Variants in DLGAP2 observed in about 807,000 individuals in gnomAD.
DLGAP2 encodes disks large-associated protein 2.
Under a neutral mutation model 100.3 loss-of-function variants are expected in DLGAP2, and 26 were observed. The observed-to-expected ratio is 0.26, with a 90% CI of 0.19 to 0.36. DLGAP2 has a LOEUF of 0.36. Among genes scored for constraint, DLGAP2 ranks in the 10% least tolerant of loss-of-function variants. DLGAP2 has a pLI of 1.00. For synonymous variants in DLGAP2, 886 were observed against 630.1 expected (o/e 1.41, Z -6.08); for missense variants, 1,858 against 1,453.2 (o/e 1.28, Z -4.53).
intron 2 of DLGAP2, among the ~76,000 whole-genome samples, chr8:925,359 C>T (rs997877088): frequency 3.3e-5 from 5 of 152,048 alleles, no homozygotes; most frequent in African/African-American, 9.7e-5. Context: ...AGGGCTTAAG[C>T]GATCCTCCCA....
chr8:1,249,742 T>G (rs891514377), intron 2 of DLGAP2, among the ~76,000 whole-genome samples: 1 of 152,160 alleles, frequency 6.6e-6, no homozygotes, highest in Non-Finnish European at 1.5e-5. Flanking sequence ...AAATAAACTA[T>G]TGATTATTCA....
chr8:1,364,907 T>G (rs1802074627), intron 3 of DLGAP2, among the ~76,000 whole-genome samples: 1 of 152,064 alleles, frequency 6.6e-6, no homozygotes, highest in Non-Finnish European at 1.5e-5. Context: ...GGGGGTAGTT[T>G]TAAAACTTGG....
intron 3 of DLGAP2, among the ~76,000 whole-genome samples, chr8:1,415,615 A>C (rs1007405294): frequency 6.6e-6 from 1 of 152,158 alleles, no homozygotes; most frequent in South Asian, 2.1e-4. Flanking sequence ...CCCCACCTGC[A>C]TCCGTGTTGC....
intron 13 of DLGAP2, among the ~76,000 whole-genome samples, chr8:1,693,855 G>A (rs1272133865): frequency 6.6e-6 from 1 of 152,176 alleles, no homozygotes; most frequent in African/African-American, 2.4e-5. Context: ...ACATTCAGCT[G>A]CCATGTCACC....
intron 3 of DLGAP2, among the ~76,000 whole-genome samples, chr8:1,316,555 G>A (rs369121866): frequency 1.2e-4 from 15 of 129,888 alleles, no homozygotes; most frequent in African/African-American, 3.3e-4. Flanking sequence ...GAGGCTGTGC[G>A]AGTGCAGCGT....
intron 2 of DLGAP2, among the ~76,000 whole-genome samples, chr8:1,143,239 A>C (rs1796551587): frequency 6.6e-6 from 1 of 152,220 alleles, no homozygotes; most frequent in Admixed American, 6.5e-5. Context: ...ATGTGCTGGA[A>C]AGGACAGAAA....
intron 4 of DLGAP2, among the ~76,000 whole-genome samples, chr8:1,542,639 C>A (rs376802996): frequency 6.6e-6 from 1 of 152,138 alleles, no homozygotes; most frequent in African/African-American, 2.4e-5. Flanking sequence ...TCCATTCATC[C>A]GTCGGGCAGC....
intron 3 of DLGAP2, among the ~76,000 whole-genome samples, chr8:1,354,640 A>G (rs1200283459): frequency 4.0e-5 from 6 of 148,530 alleles, no homozygotes; most frequent in African/African-American, 1.2e-4. Context: ...GTCACGGATG[A>G]TGCTGCGGAT....
intron 6 of DLGAP2, among the ~76,000 whole-genome samples, chr8:1,605,673 A>G (rs374398411): frequency 6.6e-6 from 1 of 152,116 alleles, no homozygotes; most frequent in African/African-American, 2.4e-5. Flanking sequence ...CTTCCCTGTT[A>G]TAAGGAAGAA....
intron 3 of DLGAP2, among the ~76,000 whole-genome samples, chr8:1,320,696 C>A (rs1800876375): frequency 6.6e-6 from 1 of 152,198 alleles, no homozygotes; most frequent in African/African-American, 2.4e-5. Flanking sequence ...CCAGCTGCCA[C>A]TTCCCAGCAC....
Position 1,072,564 on chromosome 8 carries a change from C to T in DLGAP2, c.73+164598C>T, listed in dbSNP as rs562615133. ...AGTGCAGGCACCTGGCAGGGAGGTG[C>T]GGCCTGGCTTGTGGCTGTTCCCGAG... On this transcript the variant is annotated intron_variant, in intron 2 of 14. Transcript: ENST00000637795. 1.4e-4 allele frequency among the ~76,000 whole-genome samples: 21 copies of T among 152,266 alleles called. No homozygotes were observed. In the South Asian group the frequency reaches 3.5e-3, roughly 26 times the overall value.
chr8:1,495,560 G>A (rs939425619), intron 3 of DLGAP2, among the ~76,000 whole-genome samples: 1 of 152,230 alleles, frequency 6.6e-6, no homozygotes, highest in African/African-American at 2.4e-5. Flanking sequence ...GGTGTGCTGA[G>A]ACCACAGTGT....
At chr8:838,644 A>AT (rs201312054) in intron 1 of DLGAP2, among the ~76,000 whole-genome samples, 48 of 149,748 alleles carry the variant, frequency 3.2e-4, no homozygotes, top group African/African-American at 8.3e-4. Flanking sequence ...GCTCTTGTAC[A>AT]TTTTTTTTTT....
chr8:1,506,451 T>A (rs564934087), intron 4 of DLGAP2, among the ~76,000 whole-genome samples: 9 of 152,284 alleles, frequency 5.9e-5, no homozygotes, highest in Admixed American at 3.9e-4. Flanking sequence ...TTCTGGTCGG[T>A]TTGTGGTCTC....
At chr8:1,512,106 G>A (rs1362436082) in intron 4 of DLGAP2, among the ~76,000 whole-genome samples, 2 of 152,188 alleles carry the variant, frequency 1.3e-5, no homozygotes, top group Non-Finnish European at 2.9e-5. Context: ...GAGGGCCGAC[G>A]GCCTCCCTAA....
chr8:1,301,791 G>C (rs1011410929), intron 3 of DLGAP2: 2 of 152,416 alleles, frequency 1.3e-5, no homozygotes, highest in African/African-American at 2.4e-5. Flanking sequence ...TCCCACGGCA[G>C]CAGAGCCACG....
At chr8:928,527 C>T (rs759887124) in intron 2 of DLGAP2, among the ~76,000 whole-genome samples, 47 of 151,946 alleles carry the variant, frequency 3.1e-4, no homozygotes, top group South Asian at 4.2e-4. Context: ...GTGATGCTGG[C>T]GGGGACTGGG....
At chr8:1,043,647 G>A (rs1315919162) in intron 2 of DLGAP2, among the ~76,000 whole-genome samples, 2 of 152,046 alleles carry the variant, frequency 1.3e-5, no homozygotes, top group East Asian at 3.9e-4. Flanking sequence ...AACATGAGCT[G>A]TGCTGCCTTT....
intron 1 of DLGAP2, among the ~76,000 whole-genome samples, chr8:903,844 G>A (rs1000363603): frequency 1.3e-5 from 2 of 152,210 alleles, no homozygotes; most frequent in African/African-American, 4.8e-5. Context: ...TACGGTGCTC[G>A]TTATGCAGCC....
Sources: gnomAD v4.1 joint callset for allele counts (sites outside exome capture counted in the v4.1 genomes callset) on GRCh38, gnomAD v4.1.1 for gene constraint, MANE v1.5 for transcripts, NCBI Gene and HGNC (gene_info 2026-07-23, HGNC 2026-07-21) for gene names.